ZNF589: variants seen among roughly 807,000 people sequenced by gnomAD.
The protein encoded by ZNF589 is zinc finger protein 589.
Under a neutral mutation model 13.6 loss-of-function variants are expected in ZNF589, and 17 were observed. The observed-to-expected ratio is 1.25, with a 90% CI of 0.86 to 1.88. The LOEUF is 1.88. ZNF589 is among the 40% of genes most tolerant of loss of function. ZNF589 has a pLI of 0.00. For missense variants in ZNF589, 407 were observed against 434.0 expected (o/e 0.94, Z 0.55); for synonymous variants, 148 against 161.6 (o/e 0.92, Z 0.64).
chr3:48,263,317 T>G (rs1291333008), intron 3 of ZNF589, among the ~76,000 whole-genome samples: 2 of 152,130 alleles, frequency 1.3e-5, no homozygotes, highest in Non-Finnish European at 2.9e-5. Flanking sequence ...ACCATGTTGG[T>G]CAGGCTGGTC....
intron 2 of ZNF589, among the ~76,000 whole-genome samples, chr3:48,259,987 G>T (rs942306304): frequency 2.6e-5 from 4 of 151,952 alleles, no homozygotes; most frequent in Admixed American, 1.3e-4. Flanking sequence ...TGAAGCAGTT[G>T]GTCACTGAGC....
rs9824599 is a variant in ZNF589 at position 48,269,920 on chromosome 3, T to G, written c.*1134T>G. On this transcript the variant is annotated 3_prime_UTR_variant, in exon 4 of 4. Transcript: ENST00000354698. ...TAAGAGATACTTGGAGTCAAATCTA[T>G]CCACTGTACGCCCACCCCACTCTTG... is the stretch of plus-strand genomic sequence containing the variant. The G allele has an allele frequency of 0.02, 8,015 of 398,768 alleles. 552 individuals carry two copies. Among genetic ancestry groups the G allele is most frequent in the African/African-American group, 0.15 (7,021 of 48,158 alleles). 24.7% of individuals were successfully genotyped at this position (398,768 alleles called of 1,614,324 possible).
intron 3 of ZNF589, among the ~76,000 whole-genome samples, chr3:48,265,772 C>A (rs935869235): frequency 1.2e-4 from 18 of 151,994 alleles, no homozygotes; most frequent in African/African-American, 3.9e-4. Flanking sequence ...TAAATAAACT[C>A]AAAATTTTTA....
At chr3:48,265,723 A>G (rs547443528) in intron 3 of ZNF589, among the ~76,000 whole-genome samples, 2 of 152,314 alleles carry the variant, frequency 1.3e-5, no homozygotes, top group African/African-American at 4.8e-5. Context: ...TGAACTATTC[A>G]CTAAAGTTTC....
chr3:48,251,142 TC>T (rs2033833828), intron 2 of ZNF589, among the ~76,000 whole-genome samples: 1 of 152,206 alleles, frequency 6.6e-6, no homozygotes, highest in African/African-American at 2.4e-5. Context: ...TATGAATTTA[TC>T]GGTTGATTTA....
In ZNF589 at chr3:48,245,685, C is replaced by T. The variant is rs546421786; in HGVS notation, c.44-1940C>T. On this transcript the variant is annotated intron_variant, in intron 1 of 3. Transcript: ENST00000354698. ...AGAGAAGGCTGGGCGCGGTGGCTCACGCCTGTAATCCCAGCATTTGGGAGG... is the reference window on the plus strand; with the variant it reads ...AGAGAAGGCTGGGCGCGGTGGCTCATGCCTGTAATCCCAGCATTTGGGAGG... Among the ~76,000 whole-genome samples the T allele has an allele frequency of 9.8e-5, 15 of 152,304 alleles. No homozygotes were observed. The South Asian group carries it at 2.7e-3, about 27-fold the overall frequency.
Position 48,269,473 on chromosome 3 carries a change from C to T in ZNF589, c.*687C>T. 2.5e-6 allele frequency: 1 copy of T among 406,924 alleles called. No homozygotes were observed. The allele number at this position is 406,924 out of a possible 1,614,324, so 25.2% of individuals were successfully genotyped here. On this transcript the variant is annotated 3_prime_UTR_variant, in exon 4 of 4. Transcript: ENST00000354698. ...GTGGGGAATGTGGGCGGGGATTTGG[C>T]CGGAAGATACTCCTCAACAGACACT... is the stretch of plus-strand genomic sequence containing the variant.
In ZNF589 at chr3:48,268,124, C is replaced by G; in HGVS notation, c.433C>G (p.Gln145Glu). The change falls in exon 4 of 4, where the codon CAA (glutamine) becomes GAA (glutamate). Residue 145 changes from glutamine to glutamate, a missense_variant. Coordinates refer to ENST00000354698, the MANE Select transcript of ZNF589 (RefSeq NM_016089.3). The stretch of plus-strand genomic sequence containing the variant: ...TCACAGGGGGGCTGAAGCAGAAGAT[C>G]AACGAGTGGAAGGAGGCGTCAGACC... ...KNHRGAEAED[Q>E]RVEGGVRPLF... 6.2e-7 allele frequency: 1 copy of G among 1,614,146 alleles called. No homozygotes were observed. The highest frequency in any genetic ancestry group is 8.5e-7 in the Non-Finnish European group (1 of 1,180,010).
chr3:48,245,213 C>T (rs996323150), intron 1 of ZNF589, among the ~76,000 whole-genome samples: 1 of 152,102 alleles, frequency 6.6e-6, no homozygotes, highest in African/African-American at 2.4e-5. Flanking sequence ...CTCTGGGGCT[C>T]AAATGATCCT....
intron 2 of ZNF589, among the ~76,000 whole-genome samples, chr3:48,260,138 A>G: frequency 6.6e-6 from 1 of 152,092 alleles, no homozygotes. Context: ...GAAAAAGCAT[A>G]TGGTGTATGT....
Position 48,247,730 on chromosome 3 carries a change from A to G in ZNF589, c.96+53A>G, listed in dbSNP as rs958745916. On this transcript the variant is annotated intron_variant, in intron 2 of 3. Transcript: ENST00000354698. ...TGAAATGCTGGCTCATTTCTCAGAG[A>G]ATGGGCTCATCTGTCTTTCTTGGGA... The G allele has an allele frequency of 4.4e-6, 7 of 1,594,150 alleles. No individual in the cohort carries two copies. In the African/African-American group the frequency reaches 9.4e-5, roughly 21 times the overall value.
chr3:48,267,907 T>C lies in ZNF589; in HGVS notation c.224-8T>C, dbSNP rs1453952803. On this transcript the variant is annotated splice_region_variant and splice_polypyrimidine_tract_variant and intron_variant, in intron 3 of 3. Coordinates refer to ENST00000354698, the MANE Select transcript of ZNF589 (RefSeq NM_016089.3). ...TGACTCTTCTGACTGGAAACTTTCT[T>C]TCTTCAGCAGAATCAAAGCCAGAAG... The C allele has an allele frequency of 2.5e-6, 4 of 1,597,084 alleles. No homozygotes were observed. Among genetic ancestry groups the C allele is most frequent in the Non-Finnish European group, 3.4e-6 (4 of 1,174,858 alleles).
intron 2 of ZNF589, among the ~76,000 whole-genome samples, chr3:48,255,635 A>C (rs952792755): frequency 6.6e-6 from 1 of 151,930 alleles, no homozygotes; most frequent in African/African-American, 2.4e-5. Context: ...CCGGTATTAC[A>C]GGTGCTACCA....
chr3:48,268,280 T>C lies in ZNF589; in HGVS notation c.589T>C (p.Ser197Pro). The change falls in exon 4 of 4, where the codon TCT becomes CCT. Residue 197 changes from serine to proline, a missense_variant. Ser to Pro is a moderately conservative substitution (Grantham distance 74, BLOSUM62 -1). Transcript: ENST00000354698. Reference protein sequence around the residue: ...IQLSPAQNASSEEVDRISKRA... With the variant: ...IQLSPAQNASPEEVDRISKRA... Reference sequence around the variant, plus strand: ...GCTCAGTCCAGCCCAGAATGCAAGCTCTGAGGAAGTAGACAGAATTTCCAA... The same window carrying C: ...GCTCAGTCCAGCCCAGAATGCAAGCCCTGAGGAAGTAGACAGAATTTCCAA... 1 of 1,612,174 alleles carries C rather than the reference T, an allele frequency of 6.2e-7. No individual in the cohort carries two copies. Among genetic ancestry groups the C allele is most frequent in the African/African-American group, 1.3e-5 (1 of 74,912 alleles).
At chr3:48,242,326 G>A (rs1438433374) in intron 1 of ZNF589, among the ~76,000 whole-genome samples, 3 of 151,920 alleles carry the variant, frequency 2.0e-5, no homozygotes, top group Non-Finnish European at 2.9e-5. Context: ...TGGCCAGGCC[G>A]GTCTTGAACT....
chr3:48,253,460 A>G (rs1262110219), intron 2 of ZNF589, among the ~76,000 whole-genome samples: 2 of 149,264 alleles, frequency 1.3e-5, no homozygotes, highest in Admixed American at 1.3e-4. Context: ...TGTTACACTT[A>G]GTTGTCACGT....
intron 2 of ZNF589, among the ~76,000 whole-genome samples, chr3:48,249,336 C>T (rs1449232698): frequency 6.6e-6 from 1 of 152,208 alleles, no homozygotes; most frequent in African/African-American, 2.4e-5. Flanking sequence ...CTCCTGACCT[C>T]AGGTGATCTG....
Position 48,243,792 on chromosome 3 carries a change from CAA to C in ZNF589, c.43+2592_43+2593del, listed in dbSNP as rs5848849. 4.2e-3 allele frequency among the ~76,000 whole-genome samples: 507 copies of C among 120,216 alleles called. 6 individuals are homozygous for C. The highest frequency in any genetic ancestry group is 0.012 in the African/African-American group (402 of 32,624). The allele number at this position is 120,216 out of a possible 152,430, so 78.9% of individuals were successfully genotyped here. ...GGGCACCAAGAGTGAAAGTCTGTCT[CAA>C]AAAAAAAAAAAAAGGCAGTAACACT... On this transcript the variant is annotated intron_variant, in intron 1 of 3. Coordinates refer to ENST00000354698, the MANE Select transcript of ZNF589 (RefSeq NM_016089.3).
At chr3:48,256,851 G>C (rs1196464385) in intron 2 of ZNF589, 2 of 1,185,888 alleles carry the variant, frequency 1.7e-6, no homozygotes, top group South Asian at 2.6e-5. Flanking sequence ...CGAGCTGGAA[G>C]CTGAGACCAG....
Sources: allele counts gnomAD v4.1 joint callset (sites outside exome capture counted in the v4.1 genomes callset), GRCh38; gene constraint gnomAD v4.1.1; transcripts MANE v1.5; gene names NCBI Gene and HGNC (gene_info 2026-07-23, HGNC 2026-07-21).